ZDHHC24: variants seen among roughly 807,000 people sequenced by gnomAD.
ZDHHC24 encodes the protein probable palmitoyltransferase ZDHHC24.
A neutral mutation model predicts 23.2 loss-of-function variants in ZDHHC24; 17 were observed. That is an observed-to-expected ratio of 0.73 (90% CI 0.50 to 1.10). The LOEUF (loss-of-function observed/expected upper bound fraction) is 1.10. ZDHHC24 is among the 50% of genes least tolerant of loss of function. The probability of loss-of-function intolerance (pLI) is 0.00; values close to 1 mark genes in which losing one functional copy is unlikely to be tolerated. For synonymous variants in ZDHHC24, 186 were observed against 194.5 expected, an observed-to-expected ratio of 0.96 and a Z score of 0.36; for missense variants, 366 against 393.0, an observed-to-expected ratio of 0.93 and a Z score of 0.58.
intron 1 of ZDHHC24, among the ~76,000 whole-genome samples, chr11:66,544,974 A>C (rs1857265954): frequency 6.6e-6 from 1 of 152,218 alleles, no homozygotes; most frequent in African/African-American, 2.4e-5. Flanking sequence ...AATCAAGCTA[A>C]TTAGGATAGC....
chr11:66,544,373 C>T (rs569339651), intron 1 of ZDHHC24, among the ~76,000 whole-genome samples: 2 of 152,342 alleles, frequency 1.3e-5, no homozygotes, highest in East Asian at 3.9e-4. Flanking sequence ...AGCAACCAAA[C>T]TGACCCTCCT....
At chr11:66,530,857 A>G, downstream of ZDHHC24, 1 of 1,614,182 alleles carries the variant, frequency 6.2e-7, no homozygotes, top group Non-Finnish European at 8.5e-7. Context: ...CAAGGCTGCC[A>G]GGTCCTAAGG....
rs1439074301 is a variant in ZDHHC24 at position 66,537,673 on chromosome 11, A to T, written c.*1856T>A. On this transcript the variant is annotated 3_prime_UTR_variant, in exon 3 of 3. Coordinates refer to ENST00000310442, the MANE Select transcript of ZDHHC24 (RefSeq NM_207340.3). ...GCCAGGAGTGGTGGCTCACACCTGT[A>T]ATCCCAGCACTTTGGGAGGCCGAGG... 6.6e-6 allele frequency: 1 copy of T among 151,854 alleles called. No homozygotes were observed. The highest frequency in any genetic ancestry group is 1.5e-5 in the Non-Finnish European group (1 of 68,036). The allele number at this position is 151,854 out of a possible 1,614,324, so 9.4% of individuals were successfully genotyped here.
downstream of ZDHHC24, chr11:66,532,044 A>G (rs8432): frequency 0.59 from 945,761 of 1,594,354 alleles, 286,667 homozygotes; most frequent in African/African-American, 0.86. Context: ...CTGAGACCTG[A>G]GCTGCTGTGA....
chr11:66,521,468 T>A lies in ZDHHC24; in HGVS notation c.*22-2A>T. ...GCAAGATGAGAGTGGGCTTTAAGGC[T>A]GGAATTTGGAAATGCAAAGAGCTGA... On this transcript the variant is annotated splice_acceptor_variant, in intron 4 of 4. Coordinates refer to the ZDHHC24 transcript ENST00000526986. LOFTEE classifies it low-confidence loss of function (3UTR_SPLICE). The A allele has an allele frequency of 1.0e-6, 1 of 1,002,650 alleles. No individual in the cohort carries two copies. Among genetic ancestry groups the A allele is most frequent in the Non-Finnish European group, 1.6e-6 (1 of 643,446 alleles). The allele number at this position is 1,002,650 out of a possible 1,614,324, so 62.1% of individuals were successfully genotyped here. A position where few individuals can be genotyped will look rare whatever the true frequency, so the allele number is the denominator to read the frequency against.
downstream of ZDHHC24, chr11:66,530,971 G>A (rs767601210): frequency 3.7e-6 from 6 of 1,614,244 alleles, no homozygotes; most frequent in African/African-American, 1.3e-5. Flanking sequence ...TCCTGGGGCT[G>A]CTGGTCTGCT....
chr11:66,523,706 CT>C, intron 4 of ZDHHC24: 2 of 1,610,562 alleles, frequency 1.2e-6, no homozygotes, highest in Non-Finnish European at 1.7e-6. Flanking sequence ...TCCACAGACG[CT>C]GGCTGTTCCC....
At chr11:66,523,232 G>A in intron 4 of ZDHHC24, 2 of 668,864 alleles carry the variant, frequency 3.0e-6, no homozygotes, top group Admixed American at 2.1e-5. Flanking sequence ...AGTGAAGGTG[G>A]GAGGAAGACA....
Position 66,543,377 on chromosome 11 carries a change from G to A in ZDHHC24, c.559+327C>T, listed in dbSNP as rs374928102. ...TCACAATTCCCTGCCCACTCTCCAAGCCTTTGTTCCTATTGCTTCTCTCAC... is the reference window on the plus strand; with the variant it reads ...TCACAATTCCCTGCCCACTCTCCAAACCTTTGTTCCTATTGCTTCTCTCAC... On this transcript the variant is annotated intron_variant, in intron 2 of 2. Transcript: ENST00000310442. Among the ~76,000 whole-genome samples the A allele has an allele frequency of 4.5e-4, 69 of 152,218 alleles. 1 individual carries two copies. In the South Asian group the frequency reaches 0.013, roughly 29 times the overall value.
intron 4 of ZDHHC24, chr11:66,522,977 G>A (rs1294630223): frequency 1.6e-5 from 6 of 365,754 alleles, no homozygotes; most frequent in East Asian, 7.3e-5. Context: ...AGACATTGGC[G>A]TGTGCTCCTC....
rs372147730 is a variant in ZDHHC24, at chr11:66,539,618, C to T, written c.766G>A (p.Val256Ile). The T allele has an allele frequency of 1.2e-5, 20 of 1,613,076 alleles. No individual in the cohort carries two copies. Among genetic ancestry groups the T allele is most frequent in the Middle Eastern group, 1.6e-4 (1 of 6,070 alleles). Residue 256 changes from valine to isoleucine, a missense_variant, in exon 3 of 3, where the codon GTC (valine) becomes ATC (isoleucine). Physicochemically the swap from Val to Ile is conservative, Grantham distance 29. Transcript: ENST00000310442. ...QAALGPRWALVWLWPFLASPL... is the reference protein window; with the variant it reads ...QAALGPRWALIWLWPFLASPL... ...GAGGCCAGGAAGGGCCAGAGCCAGA[C>T]GAGGGCCCAGCGGGGCCCCAGGGCT...
At chr11:66,531,179 A>G, downstream of ZDHHC24, 1 of 1,158,226 alleles carries the variant, frequency 8.6e-7, no homozygotes, top group Non-Finnish European at 1.2e-6. Context: ...AGACCAGGCC[A>G]AGGCCCCAGT....
intron 4 of ZDHHC24, chr11:66,526,870 G>A: frequency 6.2e-7 from 1 of 1,613,722 alleles, no homozygotes; most frequent in Non-Finnish European, 8.5e-7. Flanking sequence ...AGCAAAGCTG[G>A]GGGAATGCTG....
In ZDHHC24 at chr11:66,521,297, C is replaced by G. The variant is rs951217740; in HGVS notation, c.*191G>C. On this transcript the variant is annotated 3_prime_UTR_variant, in exon 5 of 5. Coordinates refer to the ZDHHC24 transcript ENST00000526986. ...GAGCCTTCCCAGCGTCCCCGTCTTC[C>G]TAGAGGTTTCTGGCCAGTTTGATGT... 45 of 1,614,108 alleles carry G rather than the reference C, an allele frequency of 2.8e-5. No homozygotes were observed. In the Middle Eastern group the frequency reaches 4.9e-4, roughly 18 times the overall value.
chr11:66,529,934 A>T, intron 2 of ZDHHC24: 1 of 1,604,178 alleles, frequency 6.2e-7, no homozygotes, highest in Non-Finnish European at 8.5e-7. Flanking sequence ...CCCGAGAGCC[A>T]CTCAAGCTGC....
At chr11:66,540,257 A>G (rs935153767) in intron 2 of ZDHHC24, among the ~76,000 whole-genome samples, 4 of 151,938 alleles carry the variant, frequency 2.6e-5, no homozygotes, top group Non-Finnish European at 5.9e-5. Flanking sequence ...GTCTCTACTA[A>G]AAAATACAAA....
chr11:66,541,525 A>C (rs986274112), intron 2 of ZDHHC24, among the ~76,000 whole-genome samples: 5 of 152,112 alleles, frequency 3.3e-5, no homozygotes, highest in African/African-American at 1.2e-4. Flanking sequence ...CTGGACAAAC[A>C]GTTCTGCGAG....
chr11:66,529,946 C>T lies in ZDHHC24; in HGVS notation c.560-458G>A, dbSNP rs749008475. ...CAGCCCGAGAGCCACTCAAGCTGCA[C>T]GCCGTGGTGAGCATCTGGGTGAGGG... is the stretch of plus-strand genomic sequence containing the variant. On this transcript the variant is annotated intron_variant, in intron 2 of 4. Transcript: ENST00000526986. 4.2e-5 allele frequency: 67 copies of T among 1,601,730 alleles called. No individual in the cohort carries two copies. The highest frequency in any genetic ancestry group is 1.6e-4 in the Middle Eastern group (1 of 6,078).
chr11:66,541,376 C>G (rs1417463670), intron 2 of ZDHHC24, among the ~76,000 whole-genome samples: 5 of 150,718 alleles, frequency 3.3e-5, no homozygotes, highest in Non-Finnish European at 7.4e-5. Flanking sequence ...GCACTCCAGC[C>G]TGGGCAACAA....
Sources: allele counts gnomAD v4.1 joint callset (sites outside exome capture counted in the v4.1 genomes callset), GRCh38; gene constraint gnomAD v4.1.1; transcripts MANE v1.5; gene names NCBI Gene and HGNC (gene_info 2026-07-23, HGNC 2026-07-21).